METTL15: variants seen among roughly 807,000 people sequenced by gnomAD.
The protein encoded by METTL15 is methyltransferase 15, mitochondrial 12S rRNA N4-cytidine, also known as 12S rRNA N(4)-cytidine methyltransferase METTL15.
Under a neutral mutation model 38.3 loss-of-function variants are expected in METTL15, and 34 were observed. The ratio of observed to expected loss-of-function variants is 0.89; its 90% confidence interval spans 0.68 to 1.18. The LOEUF (loss-of-function observed/expected upper bound fraction) is 1.18. Ranked by LOEUF, METTL15 falls within the 50% of genes most tolerant of loss-of-function variation. The probability of loss-of-function intolerance (pLI) is 0.00; values close to 1 mark genes in which losing one functional copy is unlikely to be tolerated. For synonymous variants in METTL15, 162 were observed against 170.9 expected (o/e 0.95, Z 0.41); for missense variants, 438 against 498.4 (o/e 0.88, Z 1.15).
chr11:28,415,968 A>G (rs747981529), intron 5 of METTL15, among the ~76,000 whole-genome samples: 1 of 152,240 alleles, frequency 6.6e-6, no homozygotes, highest in Non-Finnish European at 1.5e-5. Context: ...AGAGACACAC[A>G]TAACATATGT....
At chr11:28,208,686 A>G (rs1200267568) in intron 3 of METTL15, among the ~76,000 whole-genome samples, 6 of 152,050 alleles carry the variant, frequency 3.9e-5, no homozygotes, top group African/African-American at 1.4e-4. Flanking sequence ...TGTCTCCTTG[A>G]TCTGTCTAAT....
chr11:28,286,178 C>T (rs890425405), intron 4 of METTL15, among the ~76,000 whole-genome samples: 4 of 152,080 alleles, frequency 2.6e-5, no homozygotes, highest in South Asian at 2.1e-4. Context: ...AAGCTGATGT[C>T]GTGGTCTTGA....
At position 28,128,097 on chromosome 11, in the gene METTL15, A is replaced by C. The variant is rs535757058; in HGVS notation, c.270+14493A>C. On this transcript the variant is annotated intron_variant, in intron 3 of 6. Transcript: ENST00000407364. ...TTATAATGCCTAATAGAAAAGAAGGAAGGATTTTCTTGCATGTAAATTTCC... is the reference window on the plus strand; with the variant it reads ...TTATAATGCCTAATAGAAAAGAAGGCAGGATTTTCTTGCATGTAAATTTCC... Among the ~76,000 whole-genome samples the C allele has an allele frequency of 6.7e-4, 102 of 152,260 alleles. 1 individual carries two copies. The Middle Eastern group carries it at 0.017, about 25-fold the overall frequency.
In METTL15 at chr11:28,428,859, G is replaced by A. The variant is rs193175373; in HGVS notation, c.*424+4495G>A. 1.8e-4 allele frequency among the ~76,000 whole-genome samples: 27 copies of A among 152,170 alleles called. No homozygotes were observed. In the East Asian group the frequency reaches 5.0e-3, roughly 28 times the overall value. ...CTTCTGGAGCCTGCATCTGTCACTG[G>A]CAGATCCCCTTCCTATAACCTGATA... On this transcript the variant is annotated intron_variant and NMD_transcript_variant, in intron 6 of 7. Coordinates refer to the METTL15 transcript ENST00000532947.
chr11:28,433,852 C>T (rs937269232), intron 6 of METTL15, among the ~76,000 whole-genome samples: 3 of 152,152 alleles, frequency 2.0e-5, no homozygotes, highest in Non-Finnish European at 4.4e-5. Flanking sequence ...TCAATCCTTT[C>T]TTCTCCAATA....
chr11:28,402,895 C>T (rs1187568182), intron 5 of METTL15, among the ~76,000 whole-genome samples: 2 of 151,814 alleles, frequency 1.3e-5, no homozygotes, highest in Non-Finnish European at 2.9e-5. Flanking sequence ...TCTTTATGTA[C>T]ATATTTTTTA....
intron 4 of METTL15, among the ~76,000 whole-genome samples, chr11:28,282,703 C>G (rs1044510419): frequency 3.9e-5 from 6 of 152,154 alleles, no homozygotes; most frequent in African/African-American, 1.2e-4. Context: ...ACCACTCTTC[C>G]TTTGGAAAAA....
downstream of METTL15, among the ~76,000 whole-genome samples, chr11:28,335,251 A>G (rs1849890623): frequency 6.6e-6 from 1 of 152,160 alleles, no homozygotes; most frequent in African/African-American, 2.4e-5. Flanking sequence ...CAAGTCTTAT[A>G]GGTGCTAAGT....
At chr11:28,381,415 G>T (rs1212395873) in intron 5 of METTL15, among the ~76,000 whole-genome samples, 2 of 152,034 alleles carry the variant, frequency 1.3e-5, no homozygotes, top group East Asian at 3.9e-4. Context: ...AAGTTTTGTA[G>T]TCTTTCTAAT....
intron 6 of METTL15, among the ~76,000 whole-genome samples, chr11:28,460,979 T>C (rs544380218): frequency 6.6e-6 from 1 of 152,084 alleles, no homozygotes; most frequent in African/African-American, 2.4e-5. Flanking sequence ...ATTATGTGCT[T>C]TGTGCACCAA....
At chr11:28,447,267 G>A (rs1851083191) in intron 6 of METTL15, among the ~76,000 whole-genome samples, 1 of 152,056 alleles carries the variant, frequency 6.6e-6, no homozygotes, top group Admixed American at 6.6e-5. Flanking sequence ...GTTATGAAAG[G>A]CAGTAGAGAA....
chr11:28,283,815 A>T (rs566338814), intron 4 of METTL15, among the ~76,000 whole-genome samples: 1 of 152,192 alleles, frequency 6.6e-6, no homozygotes, highest in Non-Finnish European at 1.5e-5. Context: ...GCAACATTCT[A>T]CTTACATCCT....
chr11:28,217,566 G>T (rs191237814), intron 4 of METTL15, among the ~76,000 whole-genome samples: 2 of 152,202 alleles, frequency 1.3e-5, no homozygotes, highest in East Asian at 3.9e-4. Context: ...AGTTTAATTA[G>T]ATCCCATTTG....
intron 3 of METTL15, among the ~76,000 whole-genome samples, chr11:28,209,401 G>T (rs990465646): frequency 2.0e-5 from 3 of 151,866 alleles, no homozygotes; most frequent in Admixed American, 1.3e-4. Flanking sequence ...CCAATTCATC[G>T]ATGTGTAAAA....
intron 6 of METTL15, among the ~76,000 whole-genome samples, chr11:28,519,578 A>G (rs559887570): frequency 1.4e-4 from 22 of 152,044 alleles, no homozygotes; most frequent in African/African-American, 4.8e-4. Context: ...GAAGAACCTC[A>G]GAGATCATAA....
Position 28,330,397 on chromosome 11 carries a change from A to C in METTL15, c.780A>C (p.Gly260=). 2 of 1,535,216 alleles carry C rather than the reference A, an allele frequency of 1.3e-6. No individual in the cohort carries two copies. The highest frequency in any genetic ancestry group is 1.8e-6 in the Non-Finnish European group (2 of 1,141,474). ...CTATCTTTACAACATTTGTTTTAGG[A>C]GCATTTCCTCCCTCTGCTATTTATA... ...RTQQLASIVA[G]AFPPSAIYTR... The change falls in exon 7 of 7, where the codon GGA becomes GGC. Residue 260 remains glycine, a splice_region_variant and synonymous_variant. Coordinates refer to ENST00000407364, the MANE Select transcript of METTL15 (RefSeq NM_001113528.2).
At chr11:28,178,851 T>G (rs1372516325) in intron 3 of METTL15, among the ~76,000 whole-genome samples, 1 of 151,880 alleles carries the variant, frequency 6.6e-6, no homozygotes, top group Non-Finnish European at 1.5e-5. Context: ...TGTGTATGTT[T>G]CAGAAATTCT....
intron 6 of METTL15, among the ~76,000 whole-genome samples, chr11:28,304,976 G>A (rs946525848): frequency 2.0e-5 from 3 of 152,030 alleles, no homozygotes; most frequent in African/African-American, 7.2e-5. Flanking sequence ...AATTTGGATG[G>A]CTCCCCAATA....
chr11:28,347,131 G>A (rs983999991), intron 3 of METTL15, among the ~76,000 whole-genome samples: 1 of 152,180 alleles, frequency 6.6e-6, no homozygotes, highest in Non-Finnish European at 1.5e-5. Context: ...AAAAGATGTG[G>A]TGGTAATGAG....
Sources: gnomAD v4.1 joint callset for allele counts (sites outside exome capture counted in the v4.1 genomes callset) on GRCh38, gnomAD v4.1.1 for gene constraint, MANE v1.5 for transcripts, NCBI Gene and HGNC (gene_info 2026-07-23, HGNC 2026-07-21) for gene names.